MTOR: variants seen among roughly 807,000 people sequenced by gnomAD.
MTOR encodes the protein mechanistic target of rapamycin kinase, also known as serine/threonine-protein kinase mTOR.
A neutral mutation model predicts 319.8 loss-of-function variants in MTOR; 70 were observed. The ratio of observed to expected loss-of-function variants is 0.22; its 90% CI spans 0.18 to 0.27. MTOR has a LOEUF of 0.27. MTOR is among the 10% of genes least tolerant of loss of function. The probability of loss-of-function intolerance (pLI) is 1.00; values close to 1 mark genes in which losing one functional copy is unlikely to be tolerated. For synonymous variants in MTOR, 1,183 were observed against 1,211.4 expected (o/e 0.98, Z 0.49); for missense variants, 1,890 against 3,274.4 (o/e 0.58, Z 10.32).
chr1:11,224,847 T>C (rs1398818350), intron 19 of MTOR, among the ~76,000 whole-genome samples: 1 of 152,112 alleles, frequency 6.6e-6, no homozygotes, highest in Non-Finnish European at 1.5e-5. Flanking sequence ...TGGACAATAA[T>C]GAAAATACTA....
At chr1:11,141,746 G>C (rs938908529) in intron 34 of MTOR, among the ~76,000 whole-genome samples, 1 of 149,922 alleles carries the variant, frequency 6.7e-6, no homozygotes, top group African/African-American at 2.4e-5. Flanking sequence ...CAGCACTTTG[G>C]GAGGCTGAGG....
intron 32 of MTOR, among the ~76,000 whole-genome samples, chr1:11,146,211 A>G (rs1006937843): frequency 4.6e-5 from 7 of 152,176 alleles, no homozygotes; most frequent in Non-Finnish European, 8.8e-5. Flanking sequence ...GACAGGGTGG[A>G]TGGGATTACT....
intron 54 of MTOR, chr1:11,111,086 A>G: frequency 2.2e-6 from 1 of 455,028 alleles, no homozygotes; most frequent in Non-Finnish European, 4.4e-6. Flanking sequence ...AAATCCTGTC[A>G]CAGTGTCCAT....
intron 1 of MTOR, among the ~76,000 whole-genome samples, chr1:11,260,941 C>A (rs2100991381): frequency 6.6e-6 from 1 of 151,888 alleles, no homozygotes; most frequent in South Asian, 2.1e-4. Flanking sequence ...AGATGTGCAG[C>A]ACCACGCCTG....
intron 31 of MTOR, among the ~76,000 whole-genome samples, 159 bp from the exon 32 acceptor site, chr1:11,146,950 CT>C (rs1202564645): frequency 2.0e-5 from 3 of 152,164 alleles, no homozygotes; most frequent in Non-Finnish European, 4.4e-5. Flanking sequence ...TGCAGAGCCC[CT>C]ATACACACTA....
At chr1:11,232,556 A>C in intron 15 of MTOR, 28 bp from the exon 16 acceptor site, 1 of 1,590,446 alleles carries the variant, frequency 6.3e-7, no homozygotes, top group East Asian at 2.2e-5. Context: ...GGGTGGCAGA[A>C]AGGGTTAGAA....
chr1:11,258,174 C>T (rs1213927400), intron 3 of MTOR, among the ~76,000 whole-genome samples: 2 of 151,868 alleles, frequency 1.3e-5, no homozygotes, highest in South Asian at 2.1e-4. Context: ...GTGAGCCCCA[C>T]TATGCGAAAC....
At chr1:11,260,546 T>TA (rs879816976) in intron 1 of MTOR, among the ~76,000 whole-genome samples, 173 of 135,372 alleles carry the variant, frequency 1.3e-3, no homozygotes, top group African/African-American at 2.0e-3. Context: ...CCATCTCAAT[T>TA]AAAAAAAAAA....
chr1:11,220,431 G>A (rs1321587442), intron 19 of MTOR, among the ~76,000 whole-genome samples: 1 of 152,070 alleles, frequency 6.6e-6, no homozygotes, highest in African/African-American at 2.4e-5. Context: ...AAAAGAGGGT[G>A]AAATAAAGAC....
intron 29 of MTOR, among the ~76,000 whole-genome samples, chr1:11,164,680 G>A (rs1003221595): frequency 3.3e-5 from 5 of 152,150 alleles, no homozygotes; most frequent in African/African-American, 4.8e-5. Flanking sequence ...AGAGGAGCTG[G>A]TACCATTCCT....
At chr1:11,153,236 G>A (rs2100549554) in intron 30 of MTOR, among the ~76,000 whole-genome samples, 1 of 152,290 alleles carries the variant, frequency 6.6e-6, no homozygotes, top group East Asian at 1.9e-4. Context: ...CAGTGGAGAG[G>A]ATTTCAAAAG....
chr1:11,146,254 T>G (rs997845256), intron 32 of MTOR, among the ~76,000 whole-genome samples: 2 of 152,202 alleles, frequency 1.3e-5, no homozygotes, highest in Non-Finnish European at 2.9e-5. Flanking sequence ...AGCATACTAT[T>G]TGCAAGTAAG....
intron 28 of MTOR, among the ~76,000 whole-genome samples, chr1:11,190,948 GA>G (rs1364580065): frequency 2.6e-5 from 4 of 152,182 alleles, no homozygotes; most frequent in Non-Finnish European, 5.9e-5. Flanking sequence ...TCTGTTACCT[GA>G]ACCAACATGT....
intron 5 of MTOR, among the ~76,000 whole-genome samples, chr1:11,255,380 T>A (rs1212636557): frequency 2.2e-5 from 1 of 46,020 alleles, no homozygotes. Flanking sequence ...AGACTCCATC[T>A]CCAAAAAAAA....
Position 11,248,043 on chromosome 1 carries a change from TGTC to T in MTOR, c.889_891del (p.Asp297del), listed in dbSNP as rs766160565. 104 of 1,613,756 alleles carry T rather than the reference TGTC, an allele frequency of 6.4e-5. No homozygotes were observed. The highest frequency in any genetic ancestry group is 8.8e-5 in the Non-Finnish European group (104 of 1,179,854). On this transcript the variant is annotated inframe_deletion, in exon 7 of 58. Transcript: ENST00000361445. ...AAGCCCATGAGATCTTTGCAGTACT[TGTC>T]GTGTACCAGCTGCTGCTGTGTGATT...
chr1:11,178,478 G>A (rs557909971), intron 28 of MTOR, among the ~76,000 whole-genome samples: 1 of 152,320 alleles, frequency 6.6e-6, no homozygotes, highest in South Asian at 2.1e-4. Flanking sequence ...GGGAGCTATT[G>A]GCAGGCACAC....
In MTOR at chr1:11,109,595, G is replaced by T; in HGVS notation, c.7447+54C>A. ...ACCCCTCTCAGGGTATAACACAGCT[G>T]CTATTTTCTTAATGAGCTAGTCACT... On this transcript the variant is annotated intron_variant, in intron 55 of 57. Coordinates refer to ENST00000361445, the MANE Select transcript of MTOR (RefSeq NM_004958.4). This position sits in a 1 kb window ranked among gnomAD's most constrained non-coding sequence, Gnocchi z 4.0. 6.5e-7 allele frequency: 1 copy of T among 1,542,468 alleles called. No homozygotes were observed. Among genetic ancestry groups the T allele is most frequent in the South Asian group, 1.1e-5 (1 of 89,558 alleles).
intron 28 of MTOR, among the ~76,000 whole-genome samples, chr1:11,190,565 G>T (rs1201559547): frequency 1.3e-5 from 2 of 152,032 alleles, no homozygotes; most frequent in Non-Finnish European, 1.5e-5. Context: ...TTTTTCCATG[G>T]TCTTAAATGA....
Position 11,233,463 on chromosome 1 carries a change from GA to G in MTOR, c.2355del (p.Pro786GlnfsTer9). On this transcript the variant is annotated frameshift_variant, in exon 15 of 58. Transcript: ENST00000361445. LOFTEE classifies it high-confidence loss of function. ...ACACCTGGGTTTGGATCAGGGTCTG[GA>G]TCTTTCAGTTTCAAAATTAATGCCT... ...ILKALILKLK[D>X]PDPDPNPGVI... 1 of 1,614,064 alleles carries G rather than the reference GA, an allele frequency of 6.2e-7. No individual in the cohort carries two copies. The highest frequency in any genetic ancestry group is 8.5e-7 in the Non-Finnish European group (1 of 1,179,976).
Sources: allele counts gnomAD v4.1 joint callset (sites outside exome capture counted in the v4.1 genomes callset), GRCh38; gene constraint gnomAD v4.1.1; non-coding constraint Gnocchi (gnomAD v3.1); transcripts MANE v1.5; gene names NCBI Gene and HGNC (gene_info 2026-07-23, HGNC 2026-07-21).